TDRD12: variants seen among roughly 807,000 people sequenced by gnomAD.
The protein encoded by TDRD12 is putative ATP-dependent RNA helicase TDRD12.
In TDRD12, 158 loss-of-function variants were observed where a neutral mutation model predicts 133.5. The observed-to-expected ratio is 1.18, with a 90% confidence interval of 1.04 to 1.35. TDRD12 has a LOEUF of 1.35. TDRD12 is among the 40% of genes most tolerant of loss of function. TDRD12 has a pLI of 0.00. For synonymous variants in TDRD12, 460 were observed against 477.9 expected, an observed-to-expected ratio of 0.96 and a Z score of 0.49; for missense variants, 1,443 against 1,321.3, an observed-to-expected ratio of 1.09 and a Z score of -1.43.
Position 32,748,501 on chromosome 19 carries a change from G to T in TDRD12, c.466G>T (p.Ala156Ser), listed in dbSNP as rs955845538. ...ACCTGCCAAGAAGTGGGACAATGCA[G>T]CTATTCAGTACTTTCAGAACCTTCT... The change falls in exon 5 of 28, where the codon GCT becomes TCT. Residue 156 changes from alanine (A) to serine (S), a missense_variant. Ala to Ser is a moderately conservative substitution (Grantham distance 99). Transcript: ENST00000444215. 1.9e-5 allele frequency: 30 copies of T among 1,551,704 alleles called. No individual in the cohort carries two copies. Among genetic ancestry groups the T allele is most frequent in the African/African-American group, 2.7e-5 (2 of 73,044 alleles).
At position 32,810,285 on chromosome 19, in the gene TDRD12, A is replaced by G. The variant is rs1350489719; in HGVS notation, c.2837+8A>G. On this transcript the variant is annotated splice_region_variant and intron_variant, in intron 23 of 27. Transcript: ENST00000444215. Reference sequence around the variant, plus strand: ...AAAAACGCTTTTTCACAGGTAACACATCTGTTTACTTCATCTGTAAAGTTT... The same window carrying G: ...AAAAACGCTTTTTCACAGGTAACACGTCTGTTTACTTCATCTGTAAAGTTT... The G allele has an allele frequency of 8.0e-6, 12 of 1,499,698 alleles. No homozygotes were observed. The East Asian group carries it at 3.0e-4, about 37-fold the overall frequency. The allele number at this position is 1,499,698 out of a possible 1,614,324, so 92.9% of individuals were successfully genotyped here.
At chr19:32,800,581 G>A (rs1971358854) in intron 17 of TDRD12, 63 bp from the exon 18 acceptor site, 1 of 1,393,508 alleles carries the variant, frequency 7.2e-7, no homozygotes, top group Non-Finnish European at 9.5e-7. Context: ...AACACCTGTG[G>A]AAAGTGGATC....
intron 4 of TDRD12, among the ~76,000 whole-genome samples, chr19:32,748,093 C>T (rs12610846): frequency 0.56 from 85,422 of 151,994 alleles, 24,454 homozygotes; most frequent in East Asian, 0.82. Context: ...CAGCATGTGT[C>T]GCGCCCTCTC....
intron 9 of TDRD12, 47 bp downstream of exon 32, chr19:32,826,796 G>A: frequency 1.7e-6 from 2 of 1,150,276 alleles, no homozygotes; most frequent in Non-Finnish European, 2.2e-6. Context: ...GGTTCTGAGG[G>A]CAGTGAGGGA....
At chr19:32,748,608 G>A in intron 5 of TDRD12, 77 bp downstream of exon 5, 4 of 1,442,096 alleles carry the variant, frequency 2.8e-6, no homozygotes, top group Non-Finnish European at 3.7e-6. Context: ...GCTGGCGGGG[G>A]TTGGAGATGC....
chr19:32,781,691 C>G (rs1231106176), intron 11 of TDRD12, among the ~76,000 whole-genome samples: 4 of 147,970 alleles, frequency 2.7e-5, no homozygotes, highest in Non-Finnish European at 6.0e-5. Context: ...TTCCTTTTCT[C>G]TCTCTCTCTC....
At chr19:32,791,749 T>C (rs1376561639) in intron 13 of TDRD12, among the ~76,000 whole-genome samples, 4 of 152,064 alleles carry the variant, frequency 2.6e-5, no homozygotes, top group Non-Finnish European at 4.4e-5. Flanking sequence ...TGAATGGCTC[T>C]AGAGAAATGA....
At chr19:32,809,089 T>A (rs1193576294) in intron 22 of TDRD12, among the ~76,000 whole-genome samples, 2 of 152,240 alleles carry the variant, frequency 1.3e-5, no homozygotes, top group Non-Finnish European at 2.9e-5. Context: ...TTTTCTGATT[T>A]CACAGAGTTC....
downstream of TDRD12, chr19:32,821,360 G>C: frequency 1.8e-6 from 1 of 551,082 alleles, no homozygotes. Context: ...TAAGTGAACA[G>C]CTCAGCAGAG....
At chr19:32,728,579 T>TA (rs761255535) in intron 1 of TDRD12, among the ~76,000 whole-genome samples, 34 of 152,090 alleles carry the variant, frequency 2.2e-4, no homozygotes, top group Non-Finnish European at 4.0e-4. Context: ...TTTCCTGTCT[T>TA]ACTGTACTAA....
At chr19:32,807,810 G>A (rs531750857) in intron 22 of TDRD12, among the ~76,000 whole-genome samples, 162 bp downstream of exon 22, 80 of 152,254 alleles carry the variant, frequency 5.3e-4, no homozygotes, top group African/African-American at 1.8e-3. Flanking sequence ...CTTACAAGGC[G>A]CCTTATTTCA....
chr19:32,732,449 G>A (rs1969087889), intron 2 of TDRD12, among the ~76,000 whole-genome samples: 2 of 152,352 alleles, frequency 1.3e-5, no homozygotes, highest in South Asian at 4.1e-4. Context: ...GGGAACCAGG[G>A]GGTTATTTGA....
At chr19:32,823,475 G>T (rs1312509310), downstream of TDRD12, among the ~76,000 whole-genome samples, 2 of 152,160 alleles carry the variant, frequency 1.3e-5, no homozygotes, top group Non-Finnish European at 2.9e-5. Flanking sequence ...CCAAACCCAG[G>T]TTCTTCATCA....
chr19:32,798,416 T>A, exon 16 of TDRD12: 1 of 1,535,524 alleles, frequency 6.5e-7, no homozygotes, highest in East Asian at 2.4e-5. Flanking sequence ...GAGGTGCTAT[T>A]CTTGGAAGCC....
intron 3 of TDRD12, among the ~76,000 whole-genome samples, chr19:32,741,685 C>G (rs1969431628): frequency 6.6e-6 from 1 of 152,134 alleles, no homozygotes; most frequent in African/African-American, 2.4e-5. Flanking sequence ...AGAAGATGGC[C>G]AGGCTGCCCA....
chr19:32,800,648 T>C, exon 18 of TDRD12: 1 of 1,534,948 alleles, frequency 6.5e-7, no homozygotes, highest in East Asian at 2.4e-5. Context: ...TACCAGGTAG[T>C]ACATCTTTGC....
chr19:32,764,677 T>G (rs911410599), intron 8 of TDRD12, among the ~76,000 whole-genome samples: 4 of 152,230 alleles, frequency 2.6e-5, no homozygotes, highest in African/African-American at 7.2e-5. Flanking sequence ...CATTAACTGT[T>G]CTGGCAATTA....
chr19:32,744,512 A>AAC (rs1568454065), intron 4 of TDRD12, among the ~76,000 whole-genome samples: 1 of 150,196 alleles, frequency 6.7e-6, no homozygotes, highest in Non-Finnish European at 1.5e-5. Context: ...AAAAAAAAAA[A>AAC]AAAAAAAAAA....
chr19:32,785,471 T>C (rs9676540), intron 11 of TDRD12, among the ~76,000 whole-genome samples: 11,325 of 152,196 alleles, frequency 0.074, 736 homozygotes, highest in East Asian at 0.24. Context: ...AGATGTCTAT[T>C]AGGTCTGCTT....
Sources: allele counts gnomAD v4.1 joint callset (sites outside exome capture counted in the v4.1 genomes callset), GRCh38; gene constraint gnomAD v4.1.1; transcripts MANE v1.5; gene names NCBI Gene and HGNC (gene_info 2026-07-23, HGNC 2026-07-21).